Variants in PGAP4 observed in about 807,000 individuals in gnomAD.
The protein encoded by PGAP4 is post-GPI attachment to proteins GalNAc transferase 4.
PGAP4 carries 12 observed loss-of-function variants against 28.2 expected under a neutral mutation model. The observed-to-expected ratio is 0.42, with a 90% CI of 0.27 to 0.69. The LOEUF (loss-of-function observed/expected upper bound fraction) is 0.69, where lower values mean the gene tolerates loss of function less well. Among genes scored for constraint, PGAP4 ranks in the 30% least tolerant of loss-of-function variants. The pLI is 0.22. For missense variants in PGAP4, 425 were observed against 513.5 expected (o/e 0.83, Z 1.67); for synonymous variants, 205 against 211.8 (o/e 0.97, Z 0.28).
chr9:101,496,594 AC>A (rs1235762579), intron 2 of PGAP4, among the ~76,000 whole-genome samples: 1 of 151,398 alleles, frequency 6.6e-6, no homozygotes, highest in African/African-American at 2.4e-5. Context: ...TCACTTGATC[AC>A]CCACAAAAAT....
chr9:101,531,010 CA>C (rs1415505776), intron 2 of PGAP4, among the ~76,000 whole-genome samples: 1 of 152,090 alleles, frequency 6.6e-6, no homozygotes, highest in Non-Finnish European at 1.5e-5. Context: ...CTTAATAGAA[CA>C]AAGACTAACC....
intron 2 of PGAP4, among the ~76,000 whole-genome samples, chr9:101,494,024 A>T (rs553461470): frequency 2.7e-4 from 41 of 152,180 alleles, no homozygotes; most frequent in African/African-American, 9.4e-4. Flanking sequence ...TATTGATCGT[A>T]TAAGAATTTT....
At chr9:101,526,437 T>G in intron 2 of PGAP4, among the ~76,000 whole-genome samples, 1 of 152,222 alleles carries the variant, frequency 6.6e-6, no homozygotes. Flanking sequence ...GTACTTTTAT[T>G]TTTTTAAATT....
upstream of PGAP4, among the ~76,000 whole-genome samples, chr9:101,490,231 C>G (rs76436437): frequency 2.6e-5 from 4 of 152,004 alleles, no homozygotes; most frequent in African/African-American, 9.7e-5. Flanking sequence ...AGTCTGTCGC[C>G]GAGGCTGGAG....
At chr9:101,495,900 A>AAAT (rs1826743493) in intron 2 of PGAP4, among the ~76,000 whole-genome samples, 1 of 151,356 alleles carries the variant, frequency 6.6e-6, no homozygotes, top group South Asian at 2.1e-4. Context: ...TCCTTATGTG[A>AAAT]AGCTCATTTA....
chr9:101,530,122 T>G (rs751915421), intron 2 of PGAP4, among the ~76,000 whole-genome samples: 14 of 152,184 alleles, frequency 9.2e-5, no homozygotes, highest in Non-Finnish European at 2.1e-4. Context: ...AAAAAAACAA[T>G]AAACAAAAAT....
chr9:101,510,893 G>T (rs1388416346), intron 2 of PGAP4, among the ~76,000 whole-genome samples: 2 of 152,118 alleles, frequency 1.3e-5, no homozygotes, highest in African/African-American at 4.8e-5. Flanking sequence ...CCACTATAAA[G>T]CCTGCCACCA....
At chr9:101,481,416 T>G (rs1460793784) in intron 1 of PGAP4, 1 of 152,336 alleles carries the variant, frequency 6.6e-6, no homozygotes, top group Non-Finnish European at 1.5e-5. Flanking sequence ...AGAGACACTG[T>G]GGACTGACTG....
At chr9:101,487,871 A>G (rs73501261), upstream of PGAP4, among the ~76,000 whole-genome samples, 1,467 of 152,326 alleles carry the variant, frequency 9.6e-3, 19 homozygotes, top group African/African-American at 0.034. Flanking sequence ...GTCATCATTT[A>G]CATATTGTCT....
chr9:101,514,862 A>G (rs1433457846), intron 2 of PGAP4, among the ~76,000 whole-genome samples: 1 of 152,108 alleles, frequency 6.6e-6, no homozygotes, highest in African/African-American at 2.4e-5. Flanking sequence ...CTTTATACTG[A>G]TGTGGTATGT....
At chr9:101,515,028 G>T (rs781642510) in intron 2 of PGAP4, among the ~76,000 whole-genome samples, 1 of 152,122 alleles carries the variant, frequency 6.6e-6, no homozygotes, top group African/African-American at 2.4e-5. Flanking sequence ...GTCAATCTTT[G>T]TTGAGTGCTA....
Position 101,476,405 on chromosome 9 carries a change from CCCG to C in PGAP4, c.685_687del (p.Arg229del). The C allele has an allele frequency of 6.2e-7, 1 of 1,614,106 alleles. No homozygotes were observed. Among genetic ancestry groups the C allele is most frequent in the Non-Finnish European group, 8.5e-7 (1 of 1,180,016 alleles). Reference sequence around the variant, plus strand: ...CTGAGATGTGGCTCAGAGAAGCGAGCCCGCAGAAGGTGCTCCAAGACTGGGAAG... The same window carrying C: ...CTGAGATGTGGCTCAGAGAAGCGAGCCAGAAGGTGCTCCAAGACTGGGAAG... On this transcript the variant is annotated inframe_deletion, in exon 2 of 2. Coordinates refer to ENST00000374848, the MANE Select transcript of PGAP4 (RefSeq NM_032342.3). The surrounding 1 kb of genome is among the most constrained non-coding windows in gnomAD (Gnocchi z 7.0).
In PGAP4 at chr9:101,476,185, C is replaced by A. The variant is rs143415385; in HGVS notation, c.908G>T (p.Gly303Val). Residue 303 changes from glycine to valine, a missense_variant, in exon 2 of 2, where the codon GGT becomes GTT. Physicochemically the swap from Gly to Val is moderately radical, Grantham distance 109 (BLOSUM62 -3). Coordinates refer to ENST00000374848, the MANE Select transcript of PGAP4 (RefSeq NM_032342.3). This position sits in a 1 kb window ranked among gnomAD's most constrained non-coding sequence, Gnocchi z 7.0. The part of the protein sequence containing the change: ...VMLFFSLYSM[G>V]LVELVGRHYF... ...GTGCCGACCCACCAGCTCCACCAGA[C>A]CCATGCTATACAGGGAGAAGAAGAG... The A allele has an allele frequency of 1.3e-4, 204 of 1,614,152 alleles. No individual in the cohort carries two copies. In the African/African-American group the frequency reaches 2.3e-3, roughly 18 times the overall value.
At chr9:101,488,688 C>T (rs1404441433), upstream of PGAP4, among the ~76,000 whole-genome samples, 3 of 152,138 alleles carry the variant, frequency 2.0e-5, no homozygotes, top group Admixed American at 6.5e-5. Context: ...CTCATGGTCA[C>T]TAGTCACATG....
At chr9:101,479,402 A>G (rs148657709) in intron 1 of PGAP4, among the ~76,000 whole-genome samples, 304 of 152,346 alleles carry the variant, frequency 2.0e-3, no homozygotes, top group Non-Finnish European at 3.5e-3. Flanking sequence ...GGAGGGAACT[A>G]GAGACAATGA....
chr9:101,515,133 G>T (rs545297731), intron 2 of PGAP4, among the ~76,000 whole-genome samples: 3 of 152,260 alleles, frequency 2.0e-5, no homozygotes, highest in South Asian at 4.1e-4. Context: ...AGTCCAAAAT[G>T]AGTGTTATGG....
At chr9:101,524,335 G>A (rs1827014564) in intron 2 of PGAP4, among the ~76,000 whole-genome samples, 1 of 151,982 alleles carries the variant, frequency 6.6e-6, no homozygotes, top group Admixed American at 6.6e-5. Flanking sequence ...TGTGTCCTCT[G>A]CCAACAGCCC....
chr9:101,506,452 G>T (rs902722649), intron 2 of PGAP4, among the ~76,000 whole-genome samples: 1 of 151,950 alleles, frequency 6.6e-6, no homozygotes, highest in Admixed American at 6.6e-5. Context: ...ATTGTATTTT[G>T]CTGTGTAACA....
Position 101,474,784 on chromosome 9 carries a change from G to A in PGAP4, c.*1097C>T, listed in dbSNP as rs540317856. The A allele has an allele frequency of 3.9e-5, 6 of 152,274 alleles. No individual in the cohort carries two copies. In the East Asian group the frequency reaches 5.8e-4, roughly 15 times the overall value. The allele number at this position is 152,274 out of a possible 1,614,324, so 9.4% of individuals were successfully genotyped here. On this transcript the variant is annotated 3_prime_UTR_variant, in exon 2 of 2. Coordinates refer to ENST00000374848, the MANE Select transcript of PGAP4 (RefSeq NM_032342.3). Reference sequence around the variant, plus strand: ...AAAAGTTTGCCAAGCGTCTTCTATGGACTAAGCACTTGCTAGGTGTTTTAC... The same window carrying A: ...AAAAGTTTGCCAAGCGTCTTCTATGAACTAAGCACTTGCTAGGTGTTTTAC...
Sources: allele counts gnomAD v4.1 joint callset (sites outside exome capture counted in the v4.1 genomes callset), GRCh38; gene constraint gnomAD v4.1.1; non-coding constraint Gnocchi (gnomAD v3.1); transcripts MANE v1.5; gene names NCBI Gene and HGNC (gene_info 2026-07-23, HGNC 2026-07-21).